ACER3: variants seen among roughly 807,000 people sequenced by gnomAD.
ACER3 encodes the protein alkaline ceramidase 3.
Under a neutral mutation model 48.9 loss-of-function variants are expected in ACER3, and 16 were observed. The observed-to-expected ratio is 0.33, with a 90% CI of 0.22 to 0.50. ACER3 has a LOEUF of 0.50. Ranked by LOEUF, ACER3 falls within the 20% of genes least tolerant of loss-of-function variation. ACER3 has a pLI of 0.98. For missense variants in ACER3, 227 were observed against 326.0 expected (o/e 0.70, Z 2.34); for synonymous variants, 109 against 107.8 (o/e 1.01, Z -0.07).
chr11:76,927,538 C>A (rs1343013381), intron 2 of ACER3, among the ~76,000 whole-genome samples: 2 of 151,930 alleles, frequency 1.3e-5, no homozygotes, highest in Non-Finnish European at 2.9e-5. Flanking sequence ...AATACATGTG[C>A]CATGTTGGTG....
At chr11:76,952,345 C>T (rs372945311) in intron 2 of ACER3, among the ~76,000 whole-genome samples, 4 of 151,262 alleles carry the variant, frequency 2.6e-5, no homozygotes, top group South Asian at 2.1e-4. Flanking sequence ...CTGCAACCTC[C>T]GCCTCCCAGG....
At chr11:76,935,768 T>C (rs777602597) in intron 2 of ACER3, among the ~76,000 whole-genome samples, 5 of 152,256 alleles carry the variant, frequency 3.3e-5, no homozygotes, top group Non-Finnish European at 5.9e-5. Flanking sequence ...GCTAGTCATA[T>C]GTTGCAATTT....
chr11:76,963,977 G>A (rs988529899), intron 3 of ACER3, among the ~76,000 whole-genome samples: 1 of 151,420 alleles, frequency 6.6e-6, no homozygotes, highest in Non-Finnish European at 1.5e-5. Flanking sequence ...GCAGGTCAGT[G>A]GGTGCAGTGC....
intron 1 of ACER3, among the ~76,000 whole-genome samples, chr11:76,906,224 GATT>G (rs1946229604): frequency 6.6e-6 from 1 of 152,170 alleles, no homozygotes; most frequent in Non-Finnish European, 1.5e-5. Context: ...AAGGCCACAA[GATT>G]AGGATTATGG....
At chr11:76,906,874 C>T (rs944458238) in intron 1 of ACER3, among the ~76,000 whole-genome samples, 1 of 151,972 alleles carries the variant, frequency 6.6e-6, no homozygotes, top group African/African-American at 2.4e-5. Flanking sequence ...ACTTTATCTA[C>T]AATAGATTTT....
intron 1 of ACER3, among the ~76,000 whole-genome samples, chr11:76,913,404 A>G (rs912973970): frequency 1.6e-4 from 25 of 152,138 alleles, no homozygotes; most frequent in African/African-American, 5.6e-4. Flanking sequence ...TTCCAACACT[A>G]TGTTGAATCG....
chr11:76,944,825 T>C (rs1256636113), intron 2 of ACER3, among the ~76,000 whole-genome samples: 1 of 152,124 alleles, frequency 6.6e-6, no homozygotes, highest in African/African-American at 2.4e-5. Context: ...CTCTTCCCCA[T>C]TGGAATACTG....
At chr11:76,968,635 G>A (rs1048348118) in intron 3 of ACER3, among the ~76,000 whole-genome samples, 2 of 152,074 alleles carry the variant, frequency 1.3e-5, no homozygotes, top group Non-Finnish European at 2.9e-5. Flanking sequence ...CAGAAATAAT[G>A]CCACATATCT....
chr11:76,872,234 C>T (rs979858964), intron 1 of ACER3, among the ~76,000 whole-genome samples: 1 of 151,998 alleles, frequency 6.6e-6, no homozygotes. Context: ...GTGCCACCAC[C>T]CCCGCTAATT....
intron 7 of ACER3, among the ~76,000 whole-genome samples, chr11:77,013,424 A>G (rs1473053637): frequency 6.6e-6 from 1 of 152,232 alleles, no homozygotes; most frequent in Non-Finnish European, 1.5e-5. Flanking sequence ...AAGAAGGCAA[A>G]CAATAATGTA....
intron 3 of ACER3, among the ~76,000 whole-genome samples, chr11:76,969,754 G>A (rs11237044): frequency 0.58 from 82,504 of 141,072 alleles, 26,859 homozygotes; most frequent in Non-Finnish European, 0.74. Flanking sequence ...ATGACAACAC[G>A]TGGACACAGG....
At chr11:77,020,239 CTT>C in intron 10 of ACER3, 33 bp from the exon 11 acceptor site, 4 of 1,604,900 alleles carry the variant, frequency 2.5e-6, no homozygotes, top group Non-Finnish European at 3.4e-6. Flanking sequence ...ACAATTCTGT[CTT>C]TTCTCATTTT....
chr11:76,950,829 G>A (rs1947645860), intron 2 of ACER3, among the ~76,000 whole-genome samples: 1 of 152,090 alleles, frequency 6.6e-6, no homozygotes, highest in East Asian at 1.9e-4. Flanking sequence ...TGATAGCCTT[G>A]TTATAACCAC....
At chr11:76,927,306 G>C (rs926969750) in intron 2 of ACER3, among the ~76,000 whole-genome samples, 6 of 152,134 alleles carry the variant, frequency 3.9e-5, no homozygotes, top group Admixed American at 2.6e-4. Flanking sequence ...TCCTCAATAA[G>C]TACTGGATGG....
At chr11:76,953,769 A>C (rs1287278015) in intron 2 of ACER3, among the ~76,000 whole-genome samples, 2 of 152,160 alleles carry the variant, frequency 1.3e-5, no homozygotes, top group Non-Finnish European at 2.9e-5. Context: ...TATTTTTGAT[A>C]TCAAAATTGG....
intron 1 of ACER3, among the ~76,000 whole-genome samples, chr11:76,893,672 A>C (rs1945863808): frequency 6.6e-6 from 1 of 152,178 alleles, no homozygotes; most frequent in South Asian, 2.1e-4. Flanking sequence ...AGAGAGAGAG[A>C]AAATACTTCA....
chr11:76,995,587 A>C (rs1036430503), intron 6 of ACER3, among the ~76,000 whole-genome samples: 1 of 152,186 alleles, frequency 6.6e-6, no homozygotes, highest in African/African-American at 2.4e-5. Context: ...AAGGAGCAGA[A>C]AAGTATACAT....
intron 2 of ACER3, among the ~76,000 whole-genome samples, chr11:76,939,771 G>A (rs1947289607): frequency 6.6e-6 from 1 of 152,180 alleles, no homozygotes; most frequent in African/African-American, 2.4e-5. Context: ...ACTGTCCTGT[G>A]TGCTTCTAAA....
chr11:76,989,363 AT>A (rs921426715), intron 5 of ACER3, among the ~76,000 whole-genome samples: 20 of 152,098 alleles, frequency 1.3e-4, no homozygotes, highest in Non-Finnish European at 1.2e-4. Flanking sequence ...AAATATCTAA[AT>A]CCAGTACTTA....
Sources: gnomAD v4.1 joint callset for allele counts (sites outside exome capture counted in the v4.1 genomes callset) on GRCh38, gnomAD v4.1.1 for gene constraint, MANE v1.5 for transcripts, NCBI Gene and HGNC (gene_info 2026-07-23, HGNC 2026-07-21) for gene names.